KNL1: variants seen among roughly 807,000 people sequenced by gnomAD.
KNL1 encodes outer kinetochore KNL1 complex subunit KNL1.
A neutral mutation model predicts 201.3 loss-of-function variants in KNL1; 66 were observed. The observed-to-expected ratio is 0.33, with a 90% confidence interval of 0.27 to 0.40. The LOEUF (loss-of-function observed/expected upper bound fraction) is 0.40. Ranked by LOEUF, KNL1 falls within the 10% of genes least tolerant of loss-of-function variation. The pLI is 1.00. For missense variants in KNL1, 2,815 were observed against 2,690.5 expected (o/e 1.05, Z -1.02); for synonymous variants, 895 against 899.2 (o/e 1.00, Z 0.08).
intron 13 of KNL1, among the ~76,000 whole-genome samples, chr15:40,638,721 G>A (rs1213280662): frequency 2.0e-5 from 3 of 152,032 alleles, no homozygotes. Context: ...TTCAGCTCCT[G>A]ATCTCAGGTG....
At position 40,621,159 on chromosome 15, in the gene KNL1, A is replaced by G. The variant is rs1213261338; in HGVS notation, c.895A>G (p.Ser299Gly). The G allele has an allele frequency of 1.9e-6, 3 of 1,613,686 alleles. No individual in the cohort carries two copies. The highest frequency in any genetic ancestry group is 2.5e-6 in the Non-Finnish European group (3 of 1,179,794). The change falls in exon 10 of 26, where the codon AGT (serine) becomes GGT (glycine). Residue 299 changes from serine to glycine, a missense_variant. Ser to Gly is a moderately conservative substitution (Grantham distance 56, BLOSUM62 0). Coordinates refer to ENST00000399668, the MANE Select transcript of KNL1 (RefSeq NM_144508.5). ...ANIQTLIPTS[S>G]ETNSRESKGN... Reference sequence around the variant, plus strand: ...TATTCAGACATTGATTCCCACATCCAGTGAGACCAACTCACGGGAATCTAA... The same window carrying G: ...TATTCAGACATTGATTCCCACATCCGGTGAGACCAACTCACGGGAATCTAA...
chr15:40,629,241 A>G, intron 12 of KNL1, 32 bp from the exon 13 acceptor site: 2 of 1,266,310 alleles, frequency 1.6e-6, no homozygotes, highest in Non-Finnish European at 2.2e-6. Context: ...ATCACATTGA[A>G]TGGTCATGCA....
chr15:40,603,995 G>C (rs984303064), intron 2 of KNL1, among the ~76,000 whole-genome samples: 4 of 152,300 alleles, frequency 2.6e-5, no homozygotes, highest in African/African-American at 7.2e-5. Context: ...CCTGGTGGGA[G>C]TGTCTTGTGG....
intron 7 of KNL1, among the ~76,000 whole-genome samples, chr15:40,613,788 ATTATT>A (rs569303273): frequency 8.6e-5 from 13 of 150,412 alleles, no homozygotes; most frequent in Admixed American, 6.6e-4. Flanking sequence ...TTTTATTTTT[ATTATT>A]TTATTTTATT....
rs978565869 is a variant in KNL1 at position 40,663,801 on chromosome 15, C to T, written c.*1613C>T. On this transcript the variant is annotated 3_prime_UTR_variant, in exon 26 of 26. Transcript: ENST00000399668. ...TTAATTATAAACCAAAATACATTTG[C>T]ATTTTTAAGCTAATTTGTCTCAAAA... The T allele has an allele frequency of 5.2e-6, 1 of 191,430 alleles. No homozygotes were observed. The highest frequency in any genetic ancestry group is 6.1e-5 in the Admixed American group (1 of 16,264). 11.9% of individuals were successfully genotyped at this position (191,430 alleles called of 1,614,324 possible).
At chr15:40,608,638 G>T (rs567028742) in intron 4 of KNL1, among the ~76,000 whole-genome samples, 2 of 151,504 alleles carry the variant, frequency 1.3e-5, no homozygotes, top group Admixed American at 1.3e-4. Context: ...CCAGCTACTC[G>T]GGAGGCTGAG....
At chr15:40,635,299 A>T (rs544352575) in intron 13 of KNL1, among the ~76,000 whole-genome samples, 1 of 151,192 alleles carries the variant, frequency 6.6e-6, no homozygotes, top group South Asian at 2.1e-4. Context: ...TGATCTGCCC[A>T]CCTCAGCCTC....
intron 22 of KNL1, among the ~76,000 whole-genome samples, chr15:40,656,499 C>T (rs934902211): frequency 4.6e-5 from 7 of 152,202 alleles, no homozygotes; most frequent in African/African-American, 1.7e-4. Flanking sequence ...CACTCTTACT[C>T]AAGTACTGTT....
rs1031526124 is a variant in KNL1 at position 40,657,280 on chromosome 15, G to A, written c.6595-75G>A. The A allele has an allele frequency of 6.5e-6, 7 of 1,072,320 alleles. No homozygotes were observed. In the African/African-American group the frequency reaches 1.1e-4, roughly 17 times the overall value. 66.4% of individuals were successfully genotyped at this position (1,072,320 alleles called of 1,614,324 possible). A position where few individuals can be genotyped will look rare whatever the true frequency, so the allele number is the denominator to read the frequency against. ...GTATTCAATTGTTTAACTTTTTTGA[G>A]TTCTTTGTAAGTGAGCCACTAAGCA... On this transcript the variant is annotated intron_variant, in intron 23 of 25. Transcript: ENST00000399668.
At position 40,641,047 on chromosome 15, in the gene KNL1, T is replaced by G. The variant is rs746848601; in HGVS notation, c.5798+20T>G. 1 of 1,512,938 alleles carries G rather than the reference T, an allele frequency of 6.6e-7. No individual in the cohort carries two copies. The highest frequency in any genetic ancestry group is 9.1e-7 in the Non-Finnish European group (1 of 1,094,396). 93.7% of individuals were successfully genotyped at this position (1,512,938 alleles called of 1,614,324 possible). A position where few individuals can be genotyped will look rare whatever the true frequency, so the allele number is the denominator to read the frequency against. ...TGAAGAGTATGAAAGCTTTAATTTT[T>G]ATGTGTGTTTTTTTGAGGGGAGGGA... On this transcript the variant is annotated intron_variant, in intron 14 of 25. Coordinates refer to ENST00000399668, the MANE Select transcript of KNL1 (RefSeq NM_144508.5).
chr15:40,657,615 T>C, intron 24 of KNL1, 142 bp downstream of exon 24: 3 of 571,416 alleles, frequency 5.3e-6, no homozygotes, highest in South Asian at 2.5e-5. Context: ...TGTCCATGCC[T>C]TCTCCCAGTG....
chr15:40,628,332 C>A, intron 11 of KNL1, 124 bp downstream of exon 11: 2 of 950,674 alleles, frequency 2.1e-6, no homozygotes, highest in Non-Finnish European at 3.0e-6. Flanking sequence ...AAAAGTTGAT[C>A]AGTAAAATAA....
At position 40,651,498 on chromosome 15, in the gene KNL1, A is replaced by G. The variant is rs1893562351; in HGVS notation, c.6240A>G (p.Lys2080=). The G allele has an allele frequency of 2.5e-6, 4 of 1,607,456 alleles. No individual in the cohort carries two copies. In the African/African-American group the frequency reaches 5.4e-5, roughly 22 times the overall value. ...QRNLLELEVQ[K]EQTLAQIDFM... is the part of the protein sequence containing the mutation. Reference sequence around the variant, plus strand: ...ATCTCTTAGAACTGGAGGTACAAAAAGAGCAGACCCTTGCTCAAATAGACT... The same window carrying G: ...ATCTCTTAGAACTGGAGGTACAAAAGGAGCAGACCCTTGCTCAAATAGACT... The change falls in exon 20 of 26, where the codon AAA becomes AAG. Residue 2080 remains lysine (K), a synonymous_variant. Coordinates refer to ENST00000399668, the MANE Select transcript of KNL1 (RefSeq NM_144508.5).
At chr15:40,596,440 C>A (rs1424676178) in intron 1 of KNL1, among the ~76,000 whole-genome samples, 3 of 152,010 alleles carry the variant, frequency 2.0e-5, no homozygotes, top group Non-Finnish European at 4.4e-5. Context: ...CCATGCGCAG[C>A]CAATTTTTAT....
Position 40,620,712 on chromosome 15 carries a change from C to A in KNL1, c.448C>A (p.Gln150Lys). The change falls in exon 10 of 26, where the codon CAG becomes AAG. Residue 150 changes from glutamine (Q) to lysine (K), a missense_variant. This residue lies in a region of KNL1 where 2,464 missense variants were observed against 2,291.7 expected (regional missense o/e 1.08). Transcript: ENST00000399668. ...DQTVIFSDEN[Q>K]MDLTSSHTVM... ...GACAGTCATTTTTTCAGATGAAAAC[C>A]AGATGGACCTGACATCAAGTCACAC... 1 of 1,605,076 alleles carries A rather than the reference C, an allele frequency of 6.2e-7. No individual in the cohort carries two copies. The highest frequency in any genetic ancestry group is 1.1e-5 in the South Asian group (1 of 89,724).
At chr15:40,606,270 A>T in intron 3 of KNL1, 123 bp from the exon 4 acceptor site, 1 of 621,736 alleles carries the variant, frequency 1.6e-6, no homozygotes, top group Non-Finnish European at 3.0e-6. Flanking sequence ...AGCAGAATGA[A>T]TTTGAGGAGT....
intron 21 of KNL1, among the ~76,000 whole-genome samples, chr15:40,653,929 G>A (rs187818106): frequency 6.6e-6 from 1 of 152,274 alleles, no homozygotes; most frequent in Admixed American, 6.5e-5. Context: ...TCAGCTCTCA[G>A]TGATCAGTTT....
chr15:40,624,095 AAAT>A lies in KNL1; in HGVS notation c.3836_3838del (p.Asn1279del), dbSNP rs1333102293. ...AAGCGCAAGTTGAAAGCTGTCAGTT[AAAT>A]AATAGAGATAGAAGAAATGTGGACT... On this transcript the variant is annotated inframe_deletion, in exon 10 of 26. Coordinates refer to ENST00000399668, the MANE Select transcript of KNL1 (RefSeq NM_144508.5). 1 of 1,613,946 alleles carries A rather than the reference AAAT, an allele frequency of 6.2e-7. No individual in the cohort carries two copies. Among genetic ancestry groups the A allele is most frequent in the African/African-American group, 1.3e-5 (1 of 74,928 alleles).
chr15:40,628,511 A>G (rs975653921), intron 11 of KNL1, 100 bp from the exon 12 acceptor site: 3 of 845,990 alleles, frequency 3.5e-6, no homozygotes, highest in Non-Finnish European at 5.7e-6. Context: ...AAAGATCCCA[A>G]TGGGTAGCTT....
Sources: gnomAD v4.1 joint callset for allele counts (sites outside exome capture counted in the v4.1 genomes callset) on GRCh38, gnomAD v4.1.1 for gene constraint, gnomAD v4.1.1 regional missense constraint, MANE v1.5 for transcripts, NCBI Gene and HGNC (gene_info 2026-07-23, HGNC 2026-07-21) for gene names.